ZNF385D: variants seen among roughly 807,000 people sequenced by gnomAD.
ZNF385D encodes the protein zinc finger protein 659.
In ZNF385D, 15 loss-of-function variants were observed where a neutral mutation model predicts 35.8. The observed-to-expected ratio is 0.42, with a 90% CI of 0.28 to 0.64. The LOEUF (loss-of-function observed/expected upper bound fraction) is 0.64, where lower values mean the gene tolerates loss of function less well. Among genes scored for constraint, ZNF385D ranks in the 30% least tolerant of loss-of-function variants. ZNF385D has a pLI of 0.23. For missense variants in ZNF385D, 474 were observed against 494.6 expected, an observed-to-expected ratio of 0.96 and a Z score of 0.39; for synonymous variants, 212 against 186.8, an observed-to-expected ratio of 1.13 and a Z score of -1.10.
chr3:21,579,128 G>T (rs1325138317), intron 2 of ZNF385D: 2 of 151,466 alleles, frequency 1.3e-5, no homozygotes, highest in East Asian at 3.9e-4. Context: ...GAGAAGTCAG[G>T]TTTCTCGATG....
intron 3 of ZNF385D, among the ~76,000 whole-genome samples, chr3:22,086,397 T>C (rs1006222471): frequency 5.9e-5 from 9 of 152,006 alleles, no homozygotes; most frequent in Admixed American, 5.2e-4. Context: ...CAAGCATTCC[T>C]ATACACCAAT....
chr3:21,483,762 T>C (rs146564432), intron 4 of ZNF385D, among the ~76,000 whole-genome samples: 25 of 152,318 alleles, frequency 1.6e-4, no homozygotes, highest in Non-Finnish European at 3.2e-4. Context: ...ATTTTCTAAG[T>C]GGATTATTTG....
chr3:21,781,320 A>G (rs974463726), intron 3 of ZNF385D, among the ~76,000 whole-genome samples: 7 of 152,070 alleles, frequency 4.6e-5, no homozygotes, highest in Admixed American at 1.3e-4. Context: ...CCTCTTGCCT[A>G]TGTAGGACCT....
At chr3:21,978,146 C>T (rs1426871366) in intron 3 of ZNF385D, 1 of 152,156 alleles carries the variant, frequency 6.6e-6, no homozygotes, top group Non-Finnish European at 1.5e-5. Flanking sequence ...TAATCATCTC[C>T]AGAGGTAGGA....
rs887233752 is a variant in ZNF385D, at chr3:21,496,332, C to A, written c.439+14529G>T. On this transcript the variant is annotated intron_variant, in intron 4 of 7. Transcript: ENST00000281523. ...TTTATTTACTCTTTATCTCTGCCAACTTTAGGTATCAAGTATATATGTATA... is the reference window on the plus strand; with the variant it reads ...TTTATTTACTCTTTATCTCTGCCAAATTTAGGTATCAAGTATATATGTATA... Among the ~76,000 whole-genome samples the A allele has an allele frequency of 1.2e-3, 168 of 143,676 alleles. 1 individual carries two copies. The highest frequency in any genetic ancestry group is 4.2e-3 in the African/African-American group (165 of 39,446). 94.3% of individuals were successfully genotyped at this position (143,676 alleles called of 152,430 possible). A position where few individuals can be genotyped will look rare whatever the true frequency, so the allele number is the denominator to read the frequency against.
intron 3 of ZNF385D, among the ~76,000 whole-genome samples, chr3:21,534,662 T>C (rs369165215): frequency 8.5e-5 from 13 of 152,136 alleles, no homozygotes; most frequent in African/African-American, 2.9e-4. Flanking sequence ...ACTCTTAACT[T>C]ACAGCCAAGT....
At chr3:21,834,973 A>G (rs561655405) in intron 3 of ZNF385D, among the ~76,000 whole-genome samples, 2 of 152,136 alleles carry the variant, frequency 1.3e-5, no homozygotes, top group East Asian at 3.9e-4. Flanking sequence ...TTTATAAATT[A>G]CCCAGTCTCA....
intron 3 of ZNF385D, among the ~76,000 whole-genome samples, chr3:22,083,286 G>A (rs551696771): frequency 3.4e-4 from 50 of 148,390 alleles, no homozygotes; most frequent in African/African-American, 6.0e-4. Flanking sequence ...AAACTTCTCC[G>A]AGCTAAAGGA....
chr3:21,975,212 A>G (rs188888623), intron 3 of ZNF385D, among the ~76,000 whole-genome samples: 2 of 152,330 alleles, frequency 1.3e-5, no homozygotes, highest in Admixed American at 1.3e-4. Flanking sequence ...CATATACACA[A>G]TGGAGTACTA....
intron 3 of ZNF385D, among the ~76,000 whole-genome samples, chr3:21,515,711 TTG>T (rs1312044413): frequency 2.0e-5 from 3 of 152,210 alleles, no homozygotes; most frequent in African/African-American, 7.2e-5. Context: ...TAGTTTAACA[TTG>T]AGGCAAGGAT....
intron 2 of ZNF385D, among the ~76,000 whole-genome samples, chr3:22,213,683 G>A (rs1214574926): frequency 6.6e-6 from 1 of 151,962 alleles, no homozygotes; most frequent in Admixed American, 6.6e-5. Context: ...TGTTCATTAA[G>A]TCACTATAAC....
chr3:21,534,402 C>A (rs1207192495), intron 3 of ZNF385D, among the ~76,000 whole-genome samples: 2 of 151,630 alleles, frequency 1.3e-5, no homozygotes, highest in African/African-American at 4.8e-5. Flanking sequence ...TAATCGCCAC[C>A]ACACACACAC....
At chr3:21,784,687 CATG>C (rs1473454106) in intron 3 of ZNF385D, among the ~76,000 whole-genome samples, 3 of 151,466 alleles carry the variant, frequency 2.0e-5, no homozygotes, top group Admixed American at 6.6e-5. Context: ...AAGTATATAA[CATG>C]ATGTTTTAGA....
chr3:21,798,328 C>G (rs1027326777), intron 3 of ZNF385D, among the ~76,000 whole-genome samples: 4 of 152,180 alleles, frequency 2.6e-5, no homozygotes, highest in African/African-American at 4.8e-5. Context: ...GGCTCAGGAC[C>G]CTTTTCGAAG....
chr3:22,256,080 A>T, intron 2 of ZNF385D, among the ~76,000 whole-genome samples: 1 of 151,646 alleles, frequency 6.6e-6, no homozygotes, highest in Non-Finnish European at 1.5e-5. Flanking sequence ...TCTTTCTCCC[A>T]TGGTGGATGC....
chr3:21,769,674 T>C (rs75200346), intron 3 of ZNF385D, among the ~76,000 whole-genome samples: 53,095 of 109,564 alleles, frequency 0.48, 13,949 homozygotes, highest in East Asian at 0.73. Flanking sequence ...AGGTAATTTA[T>C]AGATTCAATG....
intron 4 of ZNF385D, among the ~76,000 whole-genome samples, chr3:21,504,439 A>G (rs1043483367): frequency 6.6e-6 from 1 of 152,182 alleles, no homozygotes; most frequent in Non-Finnish European, 1.5e-5. Flanking sequence ...CCATGCTTCA[A>G]TCCAAGAACA....
chr3:21,843,625 G>A (rs1290202780), intron 3 of ZNF385D, among the ~76,000 whole-genome samples: 1 of 151,872 alleles, frequency 6.6e-6, no homozygotes, highest in Non-Finnish European at 1.5e-5. Context: ...GGCACTTCAA[G>A]AATACAAAAA....
intron 3 of ZNF385D, among the ~76,000 whole-genome samples, chr3:21,561,222 T>G (rs11919873): frequency 0.68 from 103,384 of 152,062 alleles, 35,945 homozygotes; most frequent in African/African-American, 0.84. Flanking sequence ...GTAGCTTGGT[T>G]TCTGTCCAAA....
Sources: allele counts gnomAD v4.1 joint callset (sites outside exome capture counted in the v4.1 genomes callset), GRCh38; gene constraint gnomAD v4.1.1; transcripts MANE v1.5; gene names NCBI Gene and HGNC (gene_info 2026-07-23, HGNC 2026-07-21).